The following GABRG3 variants were observed in gnomAD, a reference collection of about 807,000 sequenced individuals.
The protein encoded by GABRG3 is gamma-aminobutyric acid receptor subunit gamma-3.
Under a neutral mutation model 48.8 loss-of-function variants are expected in GABRG3, and 25 were observed. The ratio of observed to expected loss-of-function variants is 0.51; its 90% CI spans 0.37 to 0.72. The LOEUF (loss-of-function observed/expected upper bound fraction) is 0.72, where lower values mean the gene tolerates loss of function less well. Ranked by LOEUF, GABRG3 falls within the 30% of genes least tolerant of loss-of-function variation. GABRG3 has a pLI of 0.00. For synonymous variants in GABRG3, 227 were observed against 217.6 expected (o/e 1.04, Z -0.38); for missense variants, 394 against 577.9 (o/e 0.68, Z 3.26).
chr15:27,393,344 CAAAAA>C (rs34689012), intron 5 of GABRG3, among the ~76,000 whole-genome samples: 1 of 113,004 alleles, frequency 8.8e-6, no homozygotes, highest in African/African-American at 3.5e-5. Flanking sequence ...ACTCCGTCTC[CAAAAA>C]AAAAAAAAAA....
intron 5 of GABRG3, among the ~76,000 whole-genome samples, chr15:27,384,143 C>T (rs62001350): frequency 0.11 from 16,227 of 152,184 alleles, 935 homozygotes; most frequent in East Asian, 0.18. Flanking sequence ...ATGCTGTGTA[C>T]GCGCCTAGTA....
At chr15:27,427,954 C>G (rs926196393) in intron 5 of GABRG3, 4 of 152,222 alleles carry the variant, frequency 2.6e-5, no homozygotes, top group Non-Finnish European at 5.9e-5. Flanking sequence ...GCAAACATCA[C>G]TAACTCCACC....
Position 27,532,861 on chromosome 15 carries a change from G to A in GABRG3, c.1384G>A (p.Val462Ile). ...CCTGCTCTTTAACCTGGTCTACTGG[G>A]TTGGATACCTGTATCTCTAAGTGTT... ...SFLLFNLVYW[V>I]GYLYL The change falls in exon 10 of 10, where the codon GTT becomes ATT. Residue 462 changes from valine (V) to isoleucine (I), a missense_variant. Val to Ile is a conservative substitution (Grantham distance 29, BLOSUM62 3). Transcript: ENST00000615808. The A allele has an allele frequency of 6.2e-7, 1 of 1,613,914 alleles. No homozygotes were observed. The highest frequency in any genetic ancestry group is 2.2e-5 in the East Asian group (1 of 44,882).
chr15:27,071,643 G>C (rs765632984), intron 3 of GABRG3, among the ~76,000 whole-genome samples: 4 of 152,240 alleles, frequency 2.6e-5, no homozygotes, highest in Non-Finnish European at 5.9e-5. Flanking sequence ...CTCTCTGGCT[G>C]TAGTACGGTG....
Position 27,287,680 on chromosome 15 carries a change from T to G in GABRG3, c.271-39129T>G, listed in dbSNP as rs73363108. Reference sequence around the variant, plus strand: ...CCTTTCTCCTTTATAATTTCTGATGTTGAGTTAACCTGAACTCTTGGAATA... The same window carrying G: ...CCTTTCTCCTTTATAATTTCTGATGGTGAGTTAACCTGAACTCTTGGAATA... On this transcript the variant is annotated intron_variant, in intron 3 of 9. Coordinates refer to ENST00000615808, the MANE Select transcript of GABRG3 (RefSeq NM_033223.5). Among the ~76,000 whole-genome samples the G allele has an allele frequency of 1.1e-3, 170 of 152,214 alleles. 2 individuals are homozygous for G. The highest frequency in any genetic ancestry group is 4.0e-3 in the African/African-American group (168 of 41,542).
chr15:27,451,232 C>G (rs533525253), intron 5 of GABRG3, among the ~76,000 whole-genome samples: 1 of 152,082 alleles, frequency 6.6e-6, no homozygotes, highest in African/African-American at 2.4e-5. Flanking sequence ...ATATCCAGAA[C>G]AATTCTCATA....
At chr15:27,286,523 G>A (rs908071287) in intron 3 of GABRG3, among the ~76,000 whole-genome samples, 1 of 152,162 alleles carries the variant, frequency 6.6e-6, no homozygotes, top group African/African-American at 2.4e-5. Flanking sequence ...TGGAAGAGAA[G>A]GGAATGGTAG....
At chr15:27,254,304 T>G (rs779681688) in intron 3 of GABRG3, among the ~76,000 whole-genome samples, 3 of 152,128 alleles carry the variant, frequency 2.0e-5, no homozygotes, top group Non-Finnish European at 4.4e-5. Flanking sequence ...GGCCAGGGAC[T>G]CTCGAGAAGG....
rs970132180 is a variant in GABRG3 at position 27,283,745 on chromosome 15, G to C, written c.271-43064G>C. Among the ~76,000 whole-genome samples the C allele has an allele frequency of 4.6e-5, 7 of 152,088 alleles. 1 individual carries two copies. The highest frequency in any genetic ancestry group is 1.4e-4 in the African/African-American group (6 of 41,382). On this transcript the variant is annotated intron_variant, in intron 3 of 9. Transcript: ENST00000615808. Reference sequence around the variant, plus strand: ...TTCCCCAGCACTCTGAGGCATATGAGGCATAAAGGAAATTCAGGAGACTCA... The same window carrying C: ...TTCCCCAGCACTCTGAGGCATATGACGCATAAAGGAAATTCAGGAGACTCA...
chr15:27,459,277 T>TCAAGGTGAGC (rs1889379661), intron 5 of GABRG3, among the ~76,000 whole-genome samples: 1 of 152,198 alleles, frequency 6.6e-6, no homozygotes, highest in Non-Finnish European at 1.5e-5. Flanking sequence ...TCCCTGAGCA[T>TCAAGGTGAGC]CAAGGTGAGC....
At chr15:27,411,251 GCT>G (rs1887788689) in intron 5 of GABRG3, among the ~76,000 whole-genome samples, 1 of 152,100 alleles carries the variant, frequency 6.6e-6, no homozygotes, top group Non-Finnish European at 1.5e-5. Flanking sequence ...CACTGAACAA[GCT>G]CTGATTCAGG....
At chr15:27,115,798 T>A (rs1897631419) in intron 3 of GABRG3, among the ~76,000 whole-genome samples, 4 of 152,212 alleles carry the variant, frequency 2.6e-5, no homozygotes, top group African/African-American at 4.8e-5. Context: ...TTTCAAAATT[T>A]TCAATTTTCA....
intron 3 of GABRG3, among the ~76,000 whole-genome samples, chr15:27,204,327 T>C (rs1888786683): frequency 6.6e-6 from 1 of 152,186 alleles, no homozygotes; most frequent in Non-Finnish European, 1.5e-5. Flanking sequence ...TTGCTTGTTA[T>C]TGTCAGCTTT....
chr15:27,406,964 G>A (rs796313567), intron 5 of GABRG3, among the ~76,000 whole-genome samples: 4 of 152,140 alleles, frequency 2.6e-5, no homozygotes, highest in African/African-American at 9.6e-5. Flanking sequence ...GTCTGGCTCT[G>A]TCACCCAGGC....
chr15:27,367,977 A>C (rs1895267650), intron 5 of GABRG3, among the ~76,000 whole-genome samples: 1 of 152,108 alleles, frequency 6.6e-6, no homozygotes, highest in Non-Finnish European at 1.5e-5. Flanking sequence ...CTCCTTTCTA[A>C]GCATGCTGTT....
chr15:27,324,078 C>G (rs1295869696), intron 3 of GABRG3, among the ~76,000 whole-genome samples: 3 of 152,220 alleles, frequency 2.0e-5, no homozygotes, highest in Non-Finnish European at 4.4e-5. Flanking sequence ...GCAAACAGCA[C>G]CAATGACTAT....
intron 5 of GABRG3, among the ~76,000 whole-genome samples, chr15:27,446,894 A>G (rs554818849): frequency 1.3e-5 from 2 of 152,178 alleles, no homozygotes; most frequent in African/African-American, 4.8e-5. Flanking sequence ...TACACCCCCA[A>G]CACACATTCA....
intron 6 of GABRG3, among the ~76,000 whole-genome samples, chr15:27,512,619 A>C (rs1274985553): frequency 6.6e-6 from 1 of 152,252 alleles, no homozygotes; most frequent in Non-Finnish European, 1.5e-5. Flanking sequence ...TCCTGCAACT[A>C]GTTGAGATCC....
intron 5 of GABRG3, among the ~76,000 whole-genome samples, chr15:27,339,650 C>T (rs137890864): frequency 2.6e-5 from 4 of 152,300 alleles, no homozygotes; most frequent in Admixed American, 6.5e-5. Context: ...GACCTCCTTA[C>T]TTTGGTGGAA....
Sources: gnomAD v4.1 joint callset for allele counts (sites outside exome capture counted in the v4.1 genomes callset) on GRCh38, gnomAD v4.1.1 for gene constraint, MANE v1.5 for transcripts, NCBI Gene and HGNC (gene_info 2026-07-23, HGNC 2026-07-21) for gene names.